GANC: variants seen among roughly 807,000 people sequenced by gnomAD.
The protein encoded by GANC is neutral alpha-glucosidase C.
Under a neutral mutation model 124.2 loss-of-function variants are expected in GANC, and 117 were observed. The ratio of observed to expected loss-of-function variants is 0.94; its 90% CI spans 0.81 to 1.10. The LOEUF is 1.10. Among genes scored for constraint, GANC ranks in the 50% least tolerant of loss-of-function variants. GANC has a pLI of 0.00. For missense variants in GANC, 1,140 were observed against 1,095.0 expected, an observed-to-expected ratio of 1.04 and a Z score of -0.58; for synonymous variants, 377 against 376.8, an observed-to-expected ratio of 1.00 and a Z score of -0.01.
intron 2 of GANC, 62 bp downstream of exon 2, chr15:42,276,472 C>A: frequency 2.5e-6 from 2 of 796,790 alleles, no homozygotes; most frequent in Non-Finnish European, 4.2e-6. Context: ...AAAATTGATG[C>A]TTATTAAATT....
At chr15:42,303,665 A>G (rs1301128548) in intron 6 of GANC, among the ~76,000 whole-genome samples, 6 of 100,496 alleles carry the variant, frequency 6.0e-5, no homozygotes, top group Non-Finnish European at 9.8e-5. Flanking sequence ...AGGAATATTT[A>G]CCAAGAAAAA....
intron 3 of GANC, among the ~76,000 whole-genome samples, chr15:42,279,915 C>A (rs559305873): frequency 2.0e-4 from 31 of 152,198 alleles, no homozygotes; most frequent in African/African-American, 6.7e-4. Flanking sequence ...AATTGTAAGG[C>A]CTTTAATTTA....
intron 3 of GANC, among the ~76,000 whole-genome samples, chr15:42,286,506 G>A (rs543490186): frequency 6.6e-6 from 1 of 152,264 alleles, no homozygotes; most frequent in South Asian, 2.1e-4. Flanking sequence ...TTGATTGTAC[G>A]CTAAAAGTAG....
At chr15:42,304,257 C>T (rs1008172311) in intron 6 of GANC, among the ~76,000 whole-genome samples, 4 of 152,182 alleles carry the variant, frequency 2.6e-5, no homozygotes, top group Non-Finnish European at 4.4e-5. Flanking sequence ...TGAATGACTA[C>T]TGGGTAAATG....
rs138975694 is a variant in GANC, at chr15:42,338,420, A to G, written c.1773A>G (p.Glu591=). ...GAVWTGDNTA[E]WSNLKISIPM... is the part of the protein sequence containing the mutation. ...TGTGGACAGGCGACAACACAGCAGA[A>G]TGGAGCAACTTGAAAATTTCTATCC... Residue 591 remains glutamate (E), a synonymous_variant, in exon 16 of 24, where the codon GAA becomes GAG. Coordinates refer to ENST00000318010, the MANE Select transcript of GANC (RefSeq NM_198141.3). 1,792 of 1,614,090 alleles carry G rather than the reference A, an allele frequency of 1.1e-3. 17 individuals carry two copies. The African/African-American group carries it at 0.022, about 19-fold the overall frequency.
chr15:42,296,438 G>A (rs2051891905), intron 5 of GANC, among the ~76,000 whole-genome samples: 1 of 152,134 alleles, frequency 6.6e-6, no homozygotes, highest in East Asian at 1.9e-4. Flanking sequence ...CCAGGCTGGA[G>A]TGCAGTGGTG....
At chr15:42,330,929 G>A (rs923213692) in intron 15 of GANC, among the ~76,000 whole-genome samples, 3 of 151,646 alleles carry the variant, frequency 2.0e-5, no homozygotes, top group African/African-American at 7.3e-5. Context: ...CTGGGATTAC[G>A]GGTGCACACC....
At chr15:42,340,450 A>T (rs1254082464) in intron 17 of GANC, among the ~76,000 whole-genome samples, 1 of 152,032 alleles carries the variant, frequency 6.6e-6, no homozygotes, top group Non-Finnish European at 1.5e-5. Context: ...CTAAAAATAC[A>T]AAAATTAGCT....
intron 12 of GANC, 24 bp from the exon 13 acceptor site, chr15:42,327,339 C>T (rs776849738): frequency 1.9e-6 from 3 of 1,568,236 alleles, no homozygotes; most frequent in Non-Finnish European, 8.8e-7. Flanking sequence ...TCTTGACAGG[C>T]TATCTACTGT....
chr15:42,348,678 T>C (rs1002531402), intron 21 of GANC, among the ~76,000 whole-genome samples: 3 of 152,242 alleles, frequency 2.0e-5, no homozygotes, highest in African/African-American at 7.2e-5. Flanking sequence ...TGTGTCCTTT[T>C]CAGATTTTTT....
At chr15:42,298,643 A>C (rs2051914944) in intron 6 of GANC, among the ~76,000 whole-genome samples, 1 of 152,244 alleles carries the variant, frequency 6.6e-6, no homozygotes. Flanking sequence ...ATCCCCAATC[A>C]CATGTATCTT....
intron 8 of GANC, among the ~76,000 whole-genome samples, 199 bp from the exon 9 acceptor site, chr15:42,310,083 AG>A (rs2052036006): frequency 6.6e-6 from 1 of 152,198 alleles, no homozygotes; most frequent in Non-Finnish European, 1.5e-5. Context: ...CTAATGTCAC[AG>A]GAAGTGGTGC....
Position 42,352,743 on chromosome 15 carries a change from A to T in GANC, c.*604A>T. 1 of 984,760 alleles carries T rather than the reference A, an allele frequency of 1.0e-6. No homozygotes were observed. The highest frequency in any genetic ancestry group is 1.2e-6 in the Non-Finnish European group (1 of 828,912). The allele number at this position is 984,760 out of a possible 1,614,324, so 61.0% of individuals were successfully genotyped here. On this transcript the variant is annotated 3_prime_UTR_variant, in exon 24 of 24. Coordinates refer to ENST00000318010, the MANE Select transcript of GANC (RefSeq NM_198141.3). ...ATGCTTCTCAGGCTCAATAGTTTCT[A>T]ATTAATCTTAAAATCCATGTCTTTT...
At chr15:42,286,279 C>T (rs757348408) in intron 3 of GANC, among the ~76,000 whole-genome samples, 19 of 152,186 alleles carry the variant, frequency 1.2e-4, no homozygotes, top group Non-Finnish European at 1.8e-4. Flanking sequence ...TGTTTTAAAA[C>T]TTATCACAGA....
chr15:42,323,510 A>AC (rs1170265571), intron 11 of GANC, among the ~76,000 whole-genome samples: 2 of 47,936 alleles, frequency 4.2e-5, no homozygotes, highest in Non-Finnish European at 2.3e-4. Flanking sequence ...TTTTTATTTA[A>AC]TTTTTTTTTG....
Position 42,327,420 on chromosome 15 carries a change from T to A in GANC, c.1478T>A (p.Leu493His). Reference sequence around the variant, plus strand: ...AAGGTCAGAGAGTGGTATTCAAGTCTTTTTGCTTTCCCTGTTTATCAGGTT... The same window carrying A: ...AAGGTCAGAGAGTGGTATTCAAGTCATTTTGCTTTCCCTGTTTATCAGGTT... Reference protein sequence around the residue: ...NPKVREWYSSLFAFPVYQGST... With the variant: ...NPKVREWYSSHFAFPVYQGST... Residue 493 changes from leucine to histidine, a missense_variant, in exon 13 of 24, where the codon CTT (leucine) becomes CAT (histidine). Coordinates refer to ENST00000318010, the MANE Select transcript of GANC (RefSeq NM_198141.3). 1 of 1,613,398 alleles carries A rather than the reference T, an allele frequency of 6.2e-7. No individual in the cohort carries two copies. The highest frequency in any genetic ancestry group is 1.1e-5 in the South Asian group (1 of 90,944).
At chr15:42,329,613 T>C in intron 14 of GANC, 164 bp downstream of exon 14, 2 of 484,288 alleles carry the variant, frequency 4.1e-6, no homozygotes, top group Non-Finnish European at 3.4e-6. Flanking sequence ...CAAGACTTTT[T>C]ATTATTTCTC....
chr15:42,349,846 A>G (rs1292037302), intron 22 of GANC, among the ~76,000 whole-genome samples: 1 of 151,472 alleles, frequency 6.6e-6, no homozygotes, highest in Non-Finnish European at 1.5e-5. Flanking sequence ...ACGGGGTTTC[A>G]CCATGTTAGC....
At chr15:42,284,195 T>G in intron 3 of GANC, 1 of 596,182 alleles carries the variant, frequency 1.7e-6, no homozygotes, top group Non-Finnish European at 3.0e-6. Flanking sequence ...TAACACCCAC[T>G]GCAAATTTAA....
Sources: gnomAD v4.1 joint callset for allele counts (sites outside exome capture counted in the v4.1 genomes callset) on GRCh38, gnomAD v4.1.1 for gene constraint, MANE v1.5 for transcripts, NCBI Gene and HGNC (gene_info 2026-07-23, HGNC 2026-07-21) for gene names.